The following ZMIZ1 variants were observed in gnomAD, a reference collection of about 807,000 sequenced individuals.
The protein encoded by ZMIZ1 is zinc finger MIZ-type containing 1, also known as zinc finger MIZ domain-containing protein 1.
ZMIZ1 carries 17 observed loss-of-function variants against 113.9 expected under a neutral mutation model. The ratio of observed to expected loss-of-function variants is 0.15; its 90% CI spans 0.10 to 0.22. ZMIZ1 has a LOEUF of 0.22. Among genes scored for constraint, ZMIZ1 ranks in the 10% least tolerant of loss-of-function variants. ZMIZ1 has a pLI of 1.00. For missense variants in ZMIZ1, 1,059 were observed against 1,477.8 expected (o/e 0.72, Z 4.65); for synonymous variants, 607 against 603.1 (o/e 1.01, Z -0.09).
In ZMIZ1 at chr10:79,314,116, T is replaced by G; in HGVS notation, c.*1367T>G. The G allele has an allele frequency of 2.2e-6, 1 of 456,936 alleles. No individual in the cohort carries two copies. The highest frequency in any genetic ancestry group is 1.5e-5 in the South Asian group (1 of 64,568). The allele number at this position is 456,936 out of a possible 1,614,324, so 28.3% of individuals were successfully genotyped here. A position where few individuals can be genotyped will look rare whatever the true frequency, so the allele number is the denominator to read the frequency against. On this transcript the variant is annotated 3_prime_UTR_variant, in exon 25 of 25. Transcript: ENST00000334512. ...CAATCTCACCCAAACTCCTGCTCAC[T>G]CAAGCAAAAGCAGCCTCTGGCCTTC...
chr10:79,293,790 C>A, intron 12 of ZMIZ1, 137 bp downstream of exon 12: 1 of 1,350,816 alleles, frequency 7.4e-7, no homozygotes, highest in Non-Finnish European at 1.0e-6. Context: ...GCTTAGGGGT[C>A]AGGTGCTCCT....
intron 7 of ZMIZ1, among the ~76,000 whole-genome samples, chr10:79,255,455 G>A (rs1017067992): frequency 6.6e-6 from 1 of 152,238 alleles, no homozygotes; most frequent in South Asian, 2.1e-4. Context: ...CTGTGGCTTA[G>A]TTTCTCTGCA....
At chr10:79,302,755 A>G (rs897831186) in intron 18 of ZMIZ1, among the ~76,000 whole-genome samples, 1 of 130,328 alleles carries the variant, frequency 7.7e-6, no homozygotes, top group African/African-American at 2.9e-5. Context: ...GTGCAGTGGC[A>G]TGATCTCGGC....
At chr10:79,204,887 A>C (rs1309954138) in intron 5 of ZMIZ1, among the ~76,000 whole-genome samples, 2 of 152,186 alleles carry the variant, frequency 1.3e-5, no homozygotes, top group Non-Finnish European at 2.9e-5. Context: ...AGATGAATGA[A>C]GGGATGGATG....
chr10:79,266,499 G>T (rs1042907651), intron 7 of ZMIZ1, among the ~76,000 whole-genome samples: 1 of 152,216 alleles, frequency 6.6e-6, no homozygotes, highest in Non-Finnish European at 1.5e-5. Flanking sequence ...GAACCAAAAG[G>T]TTGTGTGCTC....
intron 3 of ZMIZ1, among the ~76,000 whole-genome samples, chr10:79,152,125 A>T (rs928589533): frequency 6.6e-6 from 1 of 152,188 alleles, no homozygotes; most frequent in Non-Finnish European, 1.5e-5. Context: ...TCTCTGAGCC[A>T]ATTTCCCCCA....
chr10:79,257,459 C>T (rs571777148), intron 7 of ZMIZ1, among the ~76,000 whole-genome samples: 11 of 152,332 alleles, frequency 7.2e-5, no homozygotes, highest in Admixed American at 5.9e-4. Context: ...TGTTGGCTGC[C>T]CCAGCTCTAC....
chr10:79,095,512 C>A (rs996696490), intron 1 of ZMIZ1, among the ~76,000 whole-genome samples: 1 of 152,208 alleles, frequency 6.6e-6, no homozygotes, highest in Non-Finnish European at 1.5e-5. Context: ...GGCCATGCGG[C>A]CTTTCCGGGT....
At chr10:79,242,515 G>A (rs1849889694) in intron 7 of ZMIZ1, among the ~76,000 whole-genome samples, 1 of 151,796 alleles carries the variant, frequency 6.6e-6, no homozygotes, top group African/African-American at 2.4e-5. Context: ...TTTAAACCGA[G>A]ATTTAATCTG....
chr10:79,200,265 G>A (rs1167681642), intron 4 of ZMIZ1, among the ~76,000 whole-genome samples: 3 of 152,186 alleles, frequency 2.0e-5, no homozygotes, highest in Non-Finnish European at 4.4e-5. Context: ...AGGGCAAATC[G>A]AACTGGCAGC....
chr10:79,273,806 C>T (rs1852092060), intron 7 of ZMIZ1, among the ~76,000 whole-genome samples: 1 of 152,266 alleles, frequency 6.6e-6, no homozygotes, highest in African/African-American at 2.4e-5. Flanking sequence ...TTGCTTAGCC[C>T]CTTGGAGGGT....
chr10:79,156,116 A>G (rs1845895047), intron 3 of ZMIZ1, among the ~76,000 whole-genome samples: 1 of 131,030 alleles, frequency 7.6e-6, no homozygotes, highest in Non-Finnish European at 1.5e-5. Flanking sequence ...CTTCTCTGCC[A>G]GATAGCAGGC....
intron 7 of ZMIZ1, among the ~76,000 whole-genome samples, chr10:79,259,038 G>A (rs766801632): frequency 4.6e-5 from 7 of 152,126 alleles, no homozygotes; most frequent in South Asian, 4.1e-4. Context: ...GGGAGGAAGC[G>A]CCCAGCCATG....
At position 79,119,003 on chromosome 10, in the gene ZMIZ1, C is replaced by G. The variant is rs1472911436; in HGVS notation, c.-248C>G. On this transcript the variant is annotated 5_prime_UTR_variant, in exon 2 of 25. Coordinates refer to ENST00000334512, the MANE Select transcript of ZMIZ1 (RefSeq NM_020338.4). ...GCTCTCAGCAGACTTGAGTCCTGGTCCTTCTGCAGAGGCCTGAGCAGGTAA... is the reference window on the plus strand; with the variant it reads ...GCTCTCAGCAGACTTGAGTCCTGGTGCTTCTGCAGAGGCCTGAGCAGGTAA... 6.6e-6 allele frequency: 1 copy of G among 152,564 alleles called. No individual in the cohort carries two copies. Among genetic ancestry groups the G allele is most frequent in the Non-Finnish European group, 1.5e-5 (1 of 68,192 alleles). The allele number at this position is 152,564 out of a possible 1,614,324, so 9.5% of individuals were successfully genotyped here.
intron 2 of ZMIZ1, among the ~76,000 whole-genome samples, chr10:79,124,750 G>A (rs901313055): frequency 1.3e-5 from 2 of 152,222 alleles, no homozygotes; most frequent in South Asian, 2.1e-4. Flanking sequence ...CAGAGTGGAA[G>A]AGTAGGGTCT....
chr10:79,263,881 A>T (rs983662475), intron 7 of ZMIZ1, among the ~76,000 whole-genome samples: 2 of 152,154 alleles, frequency 1.3e-5, no homozygotes, highest in Admixed American at 6.5e-5. Flanking sequence ...ACTTCTTCTT[A>T]TGCTGGGTGG....
At chr10:79,158,023 C>T (rs772101145) in intron 3 of ZMIZ1, among the ~76,000 whole-genome samples, 4 of 152,212 alleles carry the variant, frequency 2.6e-5, no homozygotes, top group Non-Finnish European at 4.4e-5. Context: ...GCCAGGGGAG[C>T]GGCGGGTTGG....
intron 4 of ZMIZ1, among the ~76,000 whole-genome samples, chr10:79,197,052 C>T (rs1847861816): frequency 6.6e-6 from 1 of 152,248 alleles, no homozygotes; most frequent in Non-Finnish European, 1.5e-5. Flanking sequence ...CTGCTGGCTG[C>T]CTGGGCCACC....
intron 7 of ZMIZ1, among the ~76,000 whole-genome samples, chr10:79,273,294 C>T (rs1157125374): frequency 6.6e-6 from 1 of 152,186 alleles, no homozygotes; most frequent in Non-Finnish European, 1.5e-5. Context: ...CCCTAACCCC[C>T]TTTCTGTGGC....
Sources: allele counts gnomAD v4.1 joint callset (sites outside exome capture counted in the v4.1 genomes callset), GRCh38; gene constraint gnomAD v4.1.1; transcripts MANE v1.5; gene names NCBI Gene and HGNC (gene_info 2026-07-23, HGNC 2026-07-21).